Variants in HOOK1 observed in about 807,000 individuals in gnomAD.
The protein encoded by HOOK1 is protein Hook homolog 1.
Under a neutral mutation model 112.8 loss-of-function variants are expected in HOOK1, and 60 were observed. The observed-to-expected ratio is 0.53, with a 90% CI of 0.43 to 0.66. The LOEUF (loss-of-function observed/expected upper bound fraction) is 0.66, where lower values mean the gene tolerates loss of function less well. Ranked by LOEUF, HOOK1 falls within the 30% of genes least tolerant of loss-of-function variation. HOOK1 has a pLI of 0.00. For synonymous variants in HOOK1, 294 were observed against 283.8 expected, an observed-to-expected ratio of 1.04 and a Z score of -0.36; for missense variants, 770 against 856.0, an observed-to-expected ratio of 0.90 and a Z score of 1.25.
intron 21 of HOOK1, among the ~76,000 whole-genome samples, chr1:59,872,261 G>A (rs1189955446): frequency 2.0e-5 from 3 of 152,200 alleles, no homozygotes; most frequent in African/African-American, 7.2e-5. Context: ...ATAGACTATA[G>A]TAAATTTAAT....
intron 7 of HOOK1, among the ~76,000 whole-genome samples, chr1:59,839,454 T>C (rs1011649037): frequency 2.0e-5 from 3 of 152,206 alleles, no homozygotes; most frequent in African/African-American, 7.2e-5. Context: ...ATTCTCTTAG[T>C]AGCAATTGTG....
intron 2 of HOOK1, among the ~76,000 whole-genome samples, chr1:59,823,818 C>A (rs774014390): frequency 5.3e-5 from 8 of 152,104 alleles, no homozygotes; most frequent in Non-Finnish European, 7.4e-5. Context: ...TTTATTTCTT[C>A]TTTCTTTTGT....
At chr1:59,819,283 G>A (rs536802077) in intron 1 of HOOK1, among the ~76,000 whole-genome samples, 43 of 151,100 alleles carry the variant, frequency 2.8e-4, no homozygotes, top group Admixed American at 2.8e-3. Flanking sequence ...CCTAGTAGCT[G>A]GGATTACAGG....
At chr1:59,862,919 T>C in intron 16 of HOOK1, 42 bp downstream of exon 16, 1 of 1,095,156 alleles carries the variant, frequency 9.1e-7, no homozygotes, top group Non-Finnish European at 1.4e-6. Context: ...TGTGTATGGC[T>C]TTTCTTTAAT....
At chr1:59,828,913 G>A in intron 3 of HOOK1, 61 bp downstream of exon 3, 1 of 1,297,942 alleles carries the variant, frequency 7.7e-7, no homozygotes, top group Non-Finnish European at 1.1e-6. Flanking sequence ...TTAGCACTAA[G>A]TTAACCAAAT....
intron 6 of HOOK1, among the ~76,000 whole-genome samples, chr1:59,835,920 CAGG>C: frequency 6.6e-6 from 1 of 152,148 alleles, no homozygotes; most frequent in African/African-American, 2.4e-5. Flanking sequence ...CCAGTTTTAA[CAGG>C]CCATGGACTG....
chr1:59,854,292 C>T (rs1355710074), intron 12 of HOOK1, among the ~76,000 whole-genome samples: 1 of 151,218 alleles, frequency 6.6e-6, no homozygotes, highest in Non-Finnish European at 1.5e-5. Flanking sequence ...CCTTGTGACC[C>T]ACCTGCCTCG....
chr1:59,839,347 A>G (rs2098399714), intron 7 of HOOK1, among the ~76,000 whole-genome samples: 2 of 152,168 alleles, frequency 1.3e-5, no homozygotes, highest in African/African-American at 4.8e-5. Flanking sequence ...ATGTTCCTCC[A>G]TTTGTTTGTG....
Position 59,821,961 on chromosome 1 carries a change from T to A in HOOK1, c.149+18T>A. 1 of 1,589,982 alleles carries A rather than the reference T, an allele frequency of 6.3e-7. No individual in the cohort carries two copies. The highest frequency in any genetic ancestry group is 1.3e-5 in the African/African-American group (1 of 74,330). On this transcript the variant is annotated intron_variant, in intron 2 of 21. Coordinates refer to ENST00000371208, the MANE Select transcript of HOOK1 (RefSeq NM_015888.6). Reference sequence around the variant, plus strand: ...CATCAAATGTGAGTAGTGGTCAGACTCTCCCTGAAAAGCATTGTAAACCCA... The same window carrying A: ...CATCAAATGTGAGTAGTGGTCAGACACTCCCTGAAAAGCATTGTAAACCCA...
intron 12 of HOOK1, among the ~76,000 whole-genome samples, chr1:59,850,061 C>T (rs1023240300): frequency 4.0e-5 from 6 of 151,462 alleles, no homozygotes; most frequent in Non-Finnish European, 8.9e-5. Context: ...TTTTAGCTAT[C>T]CTAGTGGATA....
In HOOK1 at chr1:59,860,374, G is replaced by A. The variant is rs752444350; in HGVS notation, c.1532+46G>A. The stretch of plus-strand genomic sequence containing the variant: ...TGAAAATCTTGGTGATTTTATTACC[G>A]AGCCATAAAATCTTGATTCACAGAA... On this transcript the variant is annotated intron_variant, in intron 15 of 21. Transcript: ENST00000371208. The A allele has an allele frequency of 1.1e-5, 16 of 1,467,268 alleles. No homozygotes were observed. In the Admixed American group the frequency reaches 1.2e-4, roughly 11 times the overall value. The allele number at this position is 1,467,268 out of a possible 1,614,324, so 90.9% of individuals were successfully genotyped here.
At chr1:59,846,968 A>G (rs770223161) in intron 9 of HOOK1, 77 bp from the exon 10 acceptor site, 3 of 1,148,692 alleles carry the variant, frequency 2.6e-6, no homozygotes, top group South Asian at 1.7e-5. Context: ...ATTTGCATAT[A>G]TAGTCATGCA....
intron 7 of HOOK1, 110 bp downstream of exon 7, chr1:59,837,045 T>C (rs891585848): frequency 2.1e-5 from 14 of 675,116 alleles, no homozygotes; most frequent in Non-Finnish European, 3.5e-5. Context: ...TTTTCTTCTG[T>C]GAAATTTGGT....
At chr1:59,865,769 T>A (rs867446393) in intron 18 of HOOK1, 103 bp from the exon 19 acceptor site, 1 of 439,908 alleles carries the variant, frequency 2.3e-6, no homozygotes. Flanking sequence ...TTATCGTCTT[T>A]AGAAAATAAA....
At chr1:59,863,115 G>A (rs568980341) in intron 16 of HOOK1, among the ~76,000 whole-genome samples, 53 of 152,200 alleles carry the variant, frequency 3.5e-4, no homozygotes, top group African/African-American at 1.1e-3. Context: ...ACCAAAGTTC[G>A]TGATAATTCT....
chr1:59,837,338 T>G (rs1205445570), intron 7 of HOOK1, among the ~76,000 whole-genome samples: 1 of 152,182 alleles, frequency 6.6e-6, no homozygotes. Flanking sequence ...CCTTCAGGAC[T>G]GTTTTACAGG....
Position 59,865,990 on chromosome 1 carries a change from C to T in HOOK1, c.1845+18C>T, listed in dbSNP as rs777501319. The T allele has an allele frequency of 2.3e-5, 32 of 1,375,094 alleles. No homozygotes were observed. Among genetic ancestry groups the T allele is most frequent in the Admixed American group, 5.5e-5 (3 of 54,620 alleles). The allele number at this position is 1,375,094 out of a possible 1,614,324, so 85.2% of individuals were successfully genotyped here. On this transcript the variant is annotated intron_variant, in intron 19 of 21. Transcript: ENST00000371208. ...CCAGAAATGTGAGTGACTTATCTTT[C>T]GGAGCTCAAGACTTTGTGGCCTGTG...
chr1:59,828,296 T>TA (rs2098391387), intron 2 of HOOK1, among the ~76,000 whole-genome samples: 1 of 152,190 alleles, frequency 6.6e-6, no homozygotes, highest in African/African-American at 2.4e-5. Flanking sequence ...TCATTCTGCT[T>TA]AATTCTACTC....
chr1:59,875,503 T>C lies in HOOK1; in HGVS notation c.*2538T>C, dbSNP rs1445836527. On this transcript the variant is annotated 3_prime_UTR_variant, in exon 22 of 22. Coordinates refer to ENST00000371208, the MANE Select transcript of HOOK1 (RefSeq NM_015888.6). ...TAGTGAGTTGACACCCTGTGGGTGGTAAAGCATTATAAACATTTCATCTTG... is the reference window on the plus strand; with the variant it reads ...TAGTGAGTTGACACCCTGTGGGTGGCAAAGCATTATAAACATTTCATCTTG... The C allele has an allele frequency of 6.6e-6, 1 of 152,630 alleles. No individual in the cohort carries two copies. Among genetic ancestry groups the C allele is most frequent in the African/African-American group, 2.4e-5 (1 of 41,466 alleles). The allele number at this position is 152,630 out of a possible 1,614,324, so 9.5% of individuals were successfully genotyped here.
Sources: gnomAD v4.1 joint callset for allele counts (sites outside exome capture counted in the v4.1 genomes callset) on GRCh38, gnomAD v4.1.1 for gene constraint, MANE v1.5 for transcripts, NCBI Gene and HGNC (gene_info 2026-07-23, HGNC 2026-07-21) for gene names.